The following ST18 variants were observed in gnomAD, a reference collection of about 807,000 sequenced individuals.
The protein encoded by ST18 is ST18 C2H2C-type zinc finger transcription factor.
ST18 carries 50 observed loss-of-function variants against 110.0 expected under a neutral mutation model. The observed-to-expected ratio is 0.45, with a 90% CI of 0.36 to 0.58. ST18 has a LOEUF of 0.58. Among genes scored for constraint, ST18 ranks in the 20% least tolerant of loss-of-function variants. The probability of loss-of-function intolerance (pLI) is 0.00; values close to 1 mark genes in which losing one functional copy is unlikely to be tolerated. For synonymous variants in ST18, 461 were observed against 452.4 expected (o/e 1.02, Z -0.24); for missense variants, 1,306 against 1,280.1 (o/e 1.02, Z -0.31).
intron 2 of ST18, among the ~76,000 whole-genome samples, chr8:52,263,550 T>A (rs1386059750): frequency 6.6e-6 from 1 of 152,046 alleles, no homozygotes; most frequent in South Asian, 2.1e-4. Flanking sequence ...GGTGTTCTCA[T>A]TTTTCTGTGT....
chr8:52,197,531 T>G (rs753722806), intron 8 of ST18, among the ~76,000 whole-genome samples: 1 of 152,156 alleles, frequency 6.6e-6, no homozygotes, highest in Non-Finnish European at 1.5e-5. Flanking sequence ...TGAGTTAATT[T>G]AGGAGGGCTT....
At chr8:52,247,511 G>A (rs531082653) in intron 2 of ST18, among the ~76,000 whole-genome samples, 6 of 152,148 alleles carry the variant, frequency 3.9e-5, no homozygotes, top group Non-Finnish European at 5.9e-5. Context: ...TGCTGTACCC[G>A]TAAGGATGGG....
At chr8:52,358,000 T>C (rs895796350) in intron 2 of ST18, among the ~76,000 whole-genome samples, 14 of 151,634 alleles carry the variant, frequency 9.2e-5, no homozygotes, top group Non-Finnish European at 1.2e-4. Context: ...TTATAGAAAG[T>C]ATTTTCTCTA....
chr8:52,255,763 C>A (rs1324188192), intron 2 of ST18, among the ~76,000 whole-genome samples: 1 of 152,134 alleles, frequency 6.6e-6, no homozygotes, highest in East Asian at 1.9e-4. Flanking sequence ...CTGTGAAAAT[C>A]AAAAAGGAAT....
At chr8:52,357,676 AATATATAT>A (rs71252934) in intron 2 of ST18, among the ~76,000 whole-genome samples, 1,104 of 38,164 alleles carry the variant, frequency 0.029, 11 homozygotes, top group Non-Finnish European at 0.037. Context: ...AAAATCTATA[AATATATAT>A]ATATATATAT....
intron 2 of ST18, among the ~76,000 whole-genome samples, chr8:52,246,155 T>C (rs2093826985): frequency 6.6e-6 from 1 of 152,218 alleles, no homozygotes; most frequent in East Asian, 1.9e-4. Context: ...TCTCTTAAGA[T>C]AAAATATTCA....
chr8:52,293,120 G>C (rs2095581159), intron 2 of ST18, among the ~76,000 whole-genome samples: 1 of 152,248 alleles, frequency 6.6e-6, no homozygotes, highest in Non-Finnish European at 1.5e-5. Flanking sequence ...TTTGCCACTT[G>C]TGTGAGGCAG....
rs145495470 is a variant in ST18 at position 52,214,232 on chromosome 8, G to A, written c.26C>T (p.Thr9Met). 99 of 1,613,942 alleles carry A rather than the reference G, an allele frequency of 6.1e-5. No homozygotes were observed. The highest frequency in any genetic ancestry group is 4.2e-4 in the East Asian group (19 of 44,892). Residue 9 changes from threonine to methionine, a missense_variant, in exon 7 of 26, where the codon ACG becomes ATG. Coordinates refer to ENST00000689386, the MANE Select transcript of ST18 (RefSeq NM_001352837.2). Reference sequence around the variant, plus strand: ...GGTTCCTTTAGAGCGAGTACGCAGCGTTTTATCTTCAGCCTCTGCATCCAT... The same window carrying A: ...GGTTCCTTTAGAGCGAGTACGCAGCATTTTATCTTCAGCCTCTGCATCCAT... MDAEAEDK[T>M]LRTRSKGTEV...
chr8:52,129,295 G>A (rs761837634), intron 22 of ST18, among the ~76,000 whole-genome samples: 24 of 151,542 alleles, frequency 1.6e-4, no homozygotes, highest in African/African-American at 5.3e-4. Context: ...GTGAAACCCC[G>A]TCTCTACCAA....
intron 2 of ST18, among the ~76,000 whole-genome samples, chr8:52,260,130 C>G (rs1291128664): frequency 6.6e-6 from 1 of 152,140 alleles, no homozygotes; most frequent in Non-Finnish European, 1.5e-5. Flanking sequence ...TGGACATAAT[C>G]TAAAATGAAT....
chr8:52,329,933 G>A (rs971554246), intron 2 of ST18, among the ~76,000 whole-genome samples: 1 of 152,156 alleles, frequency 6.6e-6, no homozygotes, highest in Non-Finnish European at 1.5e-5. Context: ...ATAGTGGGTT[G>A]GCTAGTGAAT....
In ST18 at chr8:52,388,606, C is replaced by T. The variant is rs954042675; in HGVS notation, c.-465+20722G>A. On this transcript the variant is annotated intron_variant, in intron 2 of 25. Coordinates refer to ENST00000689386, the MANE Select transcript of ST18 (RefSeq NM_001352837.2). The stretch of plus-strand genomic sequence containing the variant: ...AGGGTGCTTGTTGAGTGATTTCGCA[C>T]GGCGCACGATGGCGTAACGGTCAGC... 3.9e-5 allele frequency among the ~76,000 whole-genome samples: 6 copies of T among 151,990 alleles called. No homozygotes were observed. In the South Asian group the frequency reaches 8.3e-4, roughly 21 times the overall value.
Position 52,127,993 on chromosome 8 carries a change from G to A in ST18, c.2667-1853C>T, listed in dbSNP as rs1168106790. Reference sequence around the variant, plus strand: ...TTAAGGGATTTTTTTTTTTTGAGGCGGGGTCTCACCAAGCCACCCAGGCTG... The same window carrying A: ...TTAAGGGATTTTTTTTTTTTGAGGCAGGGTCTCACCAAGCCACCCAGGCTG... On this transcript the variant is annotated intron_variant, in intron 22 of 25. Coordinates refer to ENST00000689386, the MANE Select transcript of ST18 (RefSeq NM_001352837.2). Among the ~76,000 whole-genome samples the A allele has an allele frequency of 1.3e-4, 20 of 149,720 alleles. 2 individuals are homozygous for A. The highest frequency in any genetic ancestry group is 1.1e-3 in the Admixed American group (17 of 15,052).
chr8:52,131,592 GT>G (rs2049603498), intron 22 of ST18, among the ~76,000 whole-genome samples: 1 of 152,100 alleles, frequency 6.6e-6, no homozygotes, highest in Non-Finnish European at 1.5e-5. Flanking sequence ...CTATAAATAT[GT>G]AAAGTAAAAG....
chr8:52,119,884 A>G (rs549994974), intron 23 of ST18, among the ~76,000 whole-genome samples: 1 of 152,338 alleles, frequency 6.6e-6, no homozygotes, highest in South Asian at 2.1e-4. Context: ...AGTGTGTCAT[A>G]AGATTGATAT....
intron 16 of ST18, among the ~76,000 whole-genome samples, chr8:52,148,515 T>C (rs1202059332): frequency 6.6e-6 from 1 of 152,160 alleles, no homozygotes; most frequent in East Asian, 1.9e-4. Flanking sequence ...ATCAGTGTAT[T>C]TGGCTACAGG....
At chr8:52,176,030 T>C (rs1397649326) in intron 9 of ST18, among the ~76,000 whole-genome samples, 1 of 151,540 alleles carries the variant, frequency 6.6e-6, no homozygotes, top group African/African-American at 2.4e-5. Context: ...GCTAACTCTT[T>C]TTTTTTTTTT....
intron 2 of ST18, among the ~76,000 whole-genome samples, chr8:52,277,651 G>C (rs373556637): frequency 2.0e-5 from 3 of 152,102 alleles, no homozygotes; most frequent in Admixed American, 1.3e-4. Context: ...TATTCATCAA[G>C]GTGAATAACT....
At chr8:52,357,408 G>C (rs911640968) in intron 2 of ST18, among the ~76,000 whole-genome samples, 1 of 151,566 alleles carries the variant, frequency 6.6e-6, no homozygotes, top group African/African-American at 2.4e-5. Context: ...GAACAAATAT[G>C]ACCCAACTAT....
Sources: gnomAD v4.1 joint callset for allele counts (sites outside exome capture counted in the v4.1 genomes callset) on GRCh38, gnomAD v4.1.1 for gene constraint, MANE v1.5 for transcripts, NCBI Gene and HGNC (gene_info 2026-07-23, HGNC 2026-07-21) for gene names.